The following PGBD2 variants were observed in gnomAD, a reference collection of about 807,000 sequenced individuals.
PGBD2 encodes piggyBac transposable element derived 2, also known as piggyBac transposable element-derived protein 2.
In PGBD2, 6 loss-of-function variants were observed where a neutral mutation model predicts 8.1. The ratio of observed to expected loss-of-function variants is 0.74; its 90% CI spans 0.40 to 1.46. PGBD2 has a LOEUF of 1.46. Ranked by LOEUF, PGBD2 falls within the 40% of genes most tolerant of loss-of-function variation. The pLI is 0.02. For missense variants in PGBD2, 802 were observed against 739.0 expected (o/e 1.09, Z -0.99); for synonymous variants, 318 against 272.2 (o/e 1.17, Z -1.66).
chr1:248,898,027 T>A, the PGBD2 span, among the ~76,000 whole-genome samples: 2 of 152,082 alleles, frequency 1.3e-5, no homozygotes, highest in East Asian at 1.9e-4. Context: ...GGGTGGGGCC[T>A]CCCTGTGGGA....
the PGBD2 span, among the ~76,000 whole-genome samples, chr1:248,930,098 T>G: frequency 1.3e-5 from 2 of 152,234 alleles, no homozygotes; most frequent in East Asian, 3.8e-4. Flanking sequence ...TACTTTCACA[T>G]GTTACATTCT....
the PGBD2 span, among the ~76,000 whole-genome samples, chr1:248,928,056 G>A: frequency 1.3e-5 from 2 of 151,806 alleles, no homozygotes; most frequent in Non-Finnish European, 2.9e-5. Flanking sequence ...TCTGTTTTTT[G>A]TTTGTTTTTT....
At chr1:248,909,733 T>C (rs1661796475) in intron 1 of PGBD2, among the ~76,000 whole-genome samples, 1 of 151,970 alleles carries the variant, frequency 6.6e-6, no homozygotes, top group Non-Finnish European at 1.5e-5. Flanking sequence ...GGGGATCCCA[T>C]AGGCAGGGAA....
the PGBD2 span, among the ~76,000 whole-genome samples, chr1:248,877,708 T>C: frequency 3.3e-5 from 5 of 152,208 alleles, no homozygotes; most frequent in Admixed American, 1.3e-4. Context: ...TTGGATGCAG[T>C]CATTATCTTG....
the PGBD2 span, among the ~76,000 whole-genome samples, chr1:248,894,946 T>C: frequency 3.9e-5 from 6 of 152,048 alleles, no homozygotes; most frequent in Non-Finnish European, 8.8e-5. Flanking sequence ...CAGGTGTGTA[T>C]GGCCTGCATC....
At chr1:248,887,447 G>C in the PGBD2 span, among the ~76,000 whole-genome samples, 1,032 of 152,244 alleles carry the variant, frequency 6.8e-3, 3 homozygotes, top group Non-Finnish European at 0.012. Context: ...TTATTAAATA[G>C]AGGACATGCA....
chr1:248,889,135 A>C, the PGBD2 span, among the ~76,000 whole-genome samples: 17 of 152,296 alleles, frequency 1.1e-4, no homozygotes, highest in Admixed American at 5.2e-4. Flanking sequence ...GCCTGTAATC[A>C]CAGCACTTTG....
Position 248,906,909 on chromosome 1 carries a change from G to C in PGBD2, c.-48+567G>C, listed in dbSNP as rs544400805. Among the ~76,000 whole-genome samples the C allele has an allele frequency of 1.3e-4, 20 of 152,282 alleles. No homozygotes were observed. The South Asian group carries it at 4.1e-3, about 32-fold the overall frequency. On this transcript the variant is annotated intron_variant, in intron 1 of 2. Transcript: ENST00000329291. Reference sequence around the variant, plus strand: ...TATCCCACAAAAGCCATTCTGAGCTGTTGGGTGAAGGGGTGGCCTGCCCTT... The same window carrying C: ...TATCCCACAAAAGCCATTCTGAGCTCTTGGGTGAAGGGGTGGCCTGCCCTT...
the PGBD2 span, among the ~76,000 whole-genome samples, chr1:248,875,255 C>G: frequency 6.3e-3 from 917 of 145,814 alleles, 12 homozygotes; most frequent in African/African-American, 0.022. Flanking sequence ...GAGATCGCAC[C>G]ACTGCACTCC....
the PGBD2 span, among the ~76,000 whole-genome samples, chr1:248,928,306 G>T: frequency 6.6e-6 from 1 of 152,128 alleles, no homozygotes; most frequent in African/African-American, 2.4e-5. Context: ...AACAGACAAT[G>T]CACAAAGCCA....
rs549517506 is a variant in PGBD2 at position 248,916,401 on chromosome 1, TA to T, written c.18-190del. Reference sequence around the variant, plus strand: ...CTGGGTGACAGAGCATGACTCCGTCTAAAAAAAAAAATTATAACAATAAAAA... The same window carrying T: ...CTGGGTGACAGAGCATGACTCCGTCTAAAAAAAAAATTATAACAATAAAAA... On this transcript the variant is annotated intron_variant, in intron 2 of 2. Transcript: ENST00000329291. 6.2e-3 allele frequency among the ~76,000 whole-genome samples: 925 copies of T among 148,492 alleles called. 7 individuals carry two copies. The highest frequency in any genetic ancestry group is 0.028 in the South Asian group (132 of 4,722).
chr1:248,875,474 A>G, the PGBD2 span, among the ~76,000 whole-genome samples: 1 of 152,110 alleles, frequency 6.6e-6, no homozygotes, highest in South Asian at 2.1e-4. Flanking sequence ...ATTTTCCCCA[A>G]TTGGCCTTAA....
chr1:248,912,585 C>A (rs1661935633), intron 1 of PGBD2: 1 of 152,186 alleles, frequency 6.6e-6, no homozygotes. Context: ...CAAAATATTT[C>A]AAACATACAG....
At chr1:248,914,204 G>A (rs1364458102) in intron 2 of PGBD2, among the ~76,000 whole-genome samples, 1 of 152,178 alleles carries the variant, frequency 6.6e-6, no homozygotes, top group Admixed American at 6.5e-5. Context: ...CTCATGCCTG[G>A]GGTTTGAACA....
the PGBD2 span, among the ~76,000 whole-genome samples, chr1:248,873,405 C>T: frequency 6.6e-6 from 1 of 152,316 alleles, no homozygotes; most frequent in South Asian, 2.1e-4. Context: ...AGGGTACGCG[C>T]AGGCACAATA....
the PGBD2 span, among the ~76,000 whole-genome samples, chr1:248,888,544 T>G: frequency 2.6e-5 from 4 of 152,352 alleles, no homozygotes; most frequent in African/African-American, 9.6e-5. Context: ...TGTCTTCTTT[T>G]GAAAATTGTC....
At chr1:248,883,588 T>TTTC in the PGBD2 span, among the ~76,000 whole-genome samples, 1 of 134,306 alleles carries the variant, frequency 7.4e-6, no homozygotes, top group African/African-American at 3.0e-5. Flanking sequence ...TTTTTTCTTT[T>TTTC]TTTTTTTTTT....
At chr1:248,890,784 A>G in the PGBD2 span, among the ~76,000 whole-genome samples, 99 of 151,222 alleles carry the variant, frequency 6.5e-4, 1 homozygote, top group African/African-American at 1.7e-3. Context: ...CACACATCAC[A>G]GATGCACACA....
intron 1 of PGBD2, among the ~76,000 whole-genome samples, chr1:248,911,382 C>A (rs1661865511): frequency 6.6e-6 from 1 of 150,744 alleles, no homozygotes; most frequent in South Asian, 2.1e-4. Flanking sequence ...GCCCTTAATC[C>A]ATTCAACCCT....
Sources: allele counts gnomAD v4.1 joint callset (sites outside exome capture counted in the v4.1 genomes callset), GRCh38; gene constraint gnomAD v4.1.1; transcripts MANE v1.5; gene names NCBI Gene and HGNC (gene_info 2026-07-23, HGNC 2026-07-21).